Variants in RMDN2 observed in about 807,000 individuals in gnomAD.
RMDN2 encodes the protein regulator of microtubule dynamics protein 2.
A neutral mutation model predicts 52.8 loss-of-function variants in RMDN2; 61 were observed. The ratio of observed to expected loss-of-function variants is 1.16; its 90% CI spans 0.94 to 1.43. The LOEUF (loss-of-function observed/expected upper bound fraction) is 1.43, where lower values mean the gene tolerates loss of function less well. RMDN2 is among the 40% of genes most tolerant of loss of function. The probability of loss-of-function intolerance (pLI) is 0.00; values close to 1 mark genes in which losing one functional copy is unlikely to be tolerated. For synonymous variants in RMDN2, 180 were observed against 153.1 expected, an observed-to-expected ratio of 1.18 and a Z score of -1.30; for missense variants, 592 against 475.3, an observed-to-expected ratio of 1.25 and a Z score of -2.28.
chr2:38,061,204 GTCCT>G (rs1682033012), intron 10 of RMDN2, among the ~76,000 whole-genome samples: 1 of 152,028 alleles, frequency 6.6e-6, no homozygotes, highest in African/African-American at 2.4e-5. Context: ...AAGGACAAGT[GTCCT>G]CTTACATCCT....
chr2:37,947,422 A>C (rs1668310420), intron 2 of RMDN2, among the ~76,000 whole-genome samples: 1 of 152,196 alleles, frequency 6.6e-6, no homozygotes, highest in Non-Finnish European at 1.5e-5. Flanking sequence ...ATATGTATAA[A>C]ATAACCAACA....
chr2:37,979,867 GT>G (rs1673076955), intron 4 of RMDN2, among the ~76,000 whole-genome samples: 1 of 152,016 alleles, frequency 6.6e-6, no homozygotes, highest in South Asian at 2.1e-4. Context: ...AGTTTTTAAT[GT>G]TTTTACATTA....
chr2:38,019,377 C>A (rs1358658491), downstream of RMDN2, among the ~76,000 whole-genome samples: 3 of 152,172 alleles, frequency 2.0e-5, no homozygotes, highest in Non-Finnish European at 4.4e-5. Flanking sequence ...TATATTTTAA[C>A]AAAATTATTG....
intron 1 of RMDN2, among the ~76,000 whole-genome samples, 159 bp downstream of exon 1, chr2:37,925,584 C>A (rs1558427608): frequency 6.6e-6 from 1 of 152,238 alleles, no homozygotes; most frequent in African/African-American, 2.4e-5. Context: ...CGGTGCTCTG[C>A]GTTCCCGGGG....
chr2:37,949,905 A>G (rs1389025612), intron 2 of RMDN2: 1 of 155,816 alleles, frequency 6.4e-6, no homozygotes, highest in African/African-American at 2.4e-5. Flanking sequence ...GGTGAGTATC[A>G]GTTGTTCTGA....
At chr2:38,061,562 AC>A (rs367990413) in intron 10 of RMDN2, among the ~76,000 whole-genome samples, 1 of 151,028 alleles carries the variant, frequency 6.6e-6, no homozygotes, top group African/African-American at 2.4e-5. Context: ...CTTAATGCCC[AC>A]CCCTTGGTGT....
intron 10 of RMDN2, among the ~76,000 whole-genome samples, chr2:38,035,131 T>G (rs1172349093): frequency 1.3e-5 from 2 of 152,042 alleles, no homozygotes; most frequent in Non-Finnish European, 2.9e-5. Flanking sequence ...TCTTCAACAA[T>G]AAAAGAATAA....
At chr2:38,064,334 A>C (rs1000446496) in intron 10 of RMDN2, among the ~76,000 whole-genome samples, 3 of 152,106 alleles carry the variant, frequency 2.0e-5, no homozygotes, top group Non-Finnish European at 4.4e-5. Flanking sequence ...TACTAAAAAT[A>C]CAAAAATTAG....
intron 1 of RMDN2, 145 bp from the exon 2 acceptor site, chr2:37,929,117 C>T: frequency 1.7e-6 from 1 of 585,752 alleles, no homozygotes; most frequent in Non-Finnish European, 3.1e-6. Flanking sequence ...TTCCATTTGT[C>T]CTTTCCCACC....
intron 2 of RMDN2, among the ~76,000 whole-genome samples, chr2:37,940,356 T>A (rs1057197307): frequency 6.6e-6 from 1 of 152,172 alleles, no homozygotes; most frequent in East Asian, 1.9e-4. Context: ...GACAATTATG[T>A]GTTTTGGGGT....
chr2:38,001,054 G>C (rs1011799698), intron 8 of RMDN2, among the ~76,000 whole-genome samples: 3 of 152,230 alleles, frequency 2.0e-5, no homozygotes, highest in African/African-American at 7.2e-5. Flanking sequence ...ATTGTTTGCA[G>C]TCATATGATC....
intron 1 of RMDN2, among the ~76,000 whole-genome samples, chr2:37,925,706 G>A (rs149029054): frequency 1.4e-3 from 220 of 152,346 alleles, no homozygotes; most frequent in African/African-American, 5.1e-3. Context: ...ACCCTTCTGG[G>A]GTGCGTGGGG....
At chr2:38,048,660 G>A (rs185528738) in intron 10 of RMDN2, among the ~76,000 whole-genome samples, 8 of 152,160 alleles carry the variant, frequency 5.3e-5, no homozygotes, top group Middle Eastern at 3.2e-3. Flanking sequence ...AATGACCTCC[G>A]ACAAACAACA....
At chr2:37,934,557 T>C (rs1667130020) in intron 2 of RMDN2, among the ~76,000 whole-genome samples, 1 of 152,064 alleles carries the variant, frequency 6.6e-6, no homozygotes, top group African/African-American at 2.4e-5. Context: ...TTATTTTTTA[T>C]TTTTTATTTT....
intron 10 of RMDN2, among the ~76,000 whole-genome samples, chr2:38,048,313 C>T (rs906784173): frequency 2.0e-5 from 3 of 152,266 alleles, no homozygotes; most frequent in South Asian, 2.1e-4. Flanking sequence ...CAATAACAGG[C>T]CTGGGATATG....
At chr2:38,053,788 A>G (rs1435181027) in intron 10 of RMDN2, among the ~76,000 whole-genome samples, 1 of 152,176 alleles carries the variant, frequency 6.6e-6, no homozygotes, top group East Asian at 1.9e-4. Flanking sequence ...AAAAAATACC[A>G]ATGCCAGGAT....
rs561774890 is a variant in RMDN2 at position 38,017,583 on chromosome 2, G to A, written c.*344G>A. 9.8e-6 allele frequency: 12 copies of A among 1,226,304 alleles called. No homozygotes were observed. The highest frequency in any genetic ancestry group is 5.4e-5 in the South Asian group (4 of 73,402). The allele number at this position is 1,226,304 out of a possible 1,614,324, so 76.0% of individuals were successfully genotyped here. On this transcript the variant is annotated 3_prime_UTR_variant, in exon 11 of 11. Coordinates refer to ENST00000354545, the MANE Select transcript of RMDN2 (RefSeq NM_001170791.3). ...ATTTTATTGTTTCAATGGAGACTTC[G>A]TAAGACAAAATAATTTCATTAATGT...
chr2:37,972,709 C>G (rs1671966021), intron 2 of RMDN2, among the ~76,000 whole-genome samples: 1 of 152,018 alleles, frequency 6.6e-6, no homozygotes, highest in African/African-American at 2.4e-5. Context: ...GAGGCTTAGA[C>G]CAAGGTGGTA....
intron 7 of RMDN2, among the ~76,000 whole-genome samples, chr2:37,994,716 T>A (rs558983547): frequency 6.6e-6 from 1 of 152,204 alleles, no homozygotes; most frequent in Admixed American, 6.5e-5. Context: ...AGCGAGGATA[T>A]AGAGCAATTG....
Sources: gnomAD v4.1 joint callset for allele counts (sites outside exome capture counted in the v4.1 genomes callset) on GRCh38, gnomAD v4.1.1 for gene constraint, MANE v1.5 for transcripts, NCBI Gene and HGNC (gene_info 2026-07-23, HGNC 2026-07-21) for gene names.